The following PTPRD variants were observed in gnomAD, a reference collection of about 807,000 sequenced individuals.
PTPRD encodes protein tyrosine phosphatase receptor type D.
PTPRD carries 34 observed loss-of-function variants against 214.5 expected under a neutral mutation model. The observed-to-expected ratio is 0.16, with a 90% CI of 0.12 to 0.21. The LOEUF is 0.21. Ranked by LOEUF, PTPRD falls within the 10% of genes least tolerant of loss-of-function variation. PTPRD has a pLI of 1.00. For missense variants in PTPRD, 2,545 were observed against 2,398.7 expected, an observed-to-expected ratio of 1.06 and a Z score of -1.27; for synonymous variants, 1,128 against 845.7, an observed-to-expected ratio of 1.33 and a Z score of -5.79.
chr9:8,897,314 G>T (rs975556975), intron 11 of PTPRD, among the ~76,000 whole-genome samples: 5 of 149,570 alleles, frequency 3.3e-5, no homozygotes, highest in African/African-American at 1.3e-4. Context: ...AGTTTACAAA[G>T]AGATGTTTTT....
chr9:8,449,671 C>T (rs1009216905), intron 34 of PTPRD, 54 bp downstream of exon 34: 2 of 1,494,736 alleles, frequency 1.3e-6, no homozygotes, highest in Non-Finnish European at 1.9e-6. Flanking sequence ...ATCAATTGAG[C>T]TGTACAACTT....
chr9:9,664,716 G>T (rs72706558), intron 7 of PTPRD, among the ~76,000 whole-genome samples: 3,670 of 151,698 alleles, frequency 0.024, 64 homozygotes, highest in Middle Eastern at 0.037. Flanking sequence ...TATTACTTAA[G>T]CAGAATCTCC....
chr9:9,086,765 C>A (rs2099767621), intron 10 of PTPRD, among the ~76,000 whole-genome samples: 1 of 152,016 alleles, frequency 6.6e-6, no homozygotes, highest in Non-Finnish European at 1.5e-5. Flanking sequence ...GTGGCTTGGG[C>A]AAATGCTTTT....
chr9:10,389,770 C>A (rs1031703956), intron 2 of PTPRD, among the ~76,000 whole-genome samples: 2 of 151,840 alleles, frequency 1.3e-5, no homozygotes, highest in South Asian at 2.1e-4. Flanking sequence ...AAATACTTTA[C>A]AAACATGCTT....
chr9:8,996,651 C>T (rs1292837036), intron 11 of PTPRD, among the ~76,000 whole-genome samples: 2 of 152,042 alleles, frequency 1.3e-5, no homozygotes, highest in Non-Finnish European at 2.9e-5. Flanking sequence ...AGGGCCTGTT[C>T]CTCTCAGACA....
intron 7 of PTPRD, among the ~76,000 whole-genome samples, chr9:9,722,721 C>T (rs1446887638): frequency 6.6e-6 from 1 of 152,082 alleles, no homozygotes; most frequent in East Asian, 1.9e-4. Context: ...ACATCCTTGA[C>T]AACACTTAAT....
chr9:10,163,574 T>C (rs1319323822), intron 3 of PTPRD, among the ~76,000 whole-genome samples: 1 of 151,418 alleles, frequency 6.6e-6, no homozygotes, highest in African/African-American at 2.4e-5. Context: ...CATTTCCAAA[T>C]TCATGCTATC....
chr9:9,917,385 C>A (rs1165972220), intron 5 of PTPRD, among the ~76,000 whole-genome samples: 3 of 93,588 alleles, frequency 3.2e-5, no homozygotes, highest in Admixed American at 1.3e-4. Context: ...CACAGGAATA[C>A]AAAACATTAT....
chr9:10,101,771 G>A (rs1174142282), intron 3 of PTPRD, among the ~76,000 whole-genome samples: 1 of 151,712 alleles, frequency 6.6e-6, no homozygotes, highest in Non-Finnish European at 1.5e-5. Flanking sequence ...CTCAGTAAGA[G>A]TGATATAAAA....
In PTPRD at chr9:8,317,402, C is replaced by A. The variant is rs1004093670; in HGVS notation, c.*472G>T. 1.7e-5 allele frequency: 4 copies of A among 232,996 alleles called. No individual in the cohort carries two copies. Among genetic ancestry groups the A allele is most frequent in the African/African-American group, 8.8e-5 (4 of 45,250 alleles). The allele number at this position is 232,996 out of a possible 1,614,324, so 14.4% of individuals were successfully genotyped here. A position where few individuals can be genotyped will look rare whatever the true frequency, so the allele number is the denominator to read the frequency against. On this transcript the variant is annotated 3_prime_UTR_variant, in exon 46 of 46. Coordinates refer to ENST00000381196, the MANE Select transcript of PTPRD (RefSeq NM_002839.4). ...ATCAAGGACTTTCTTTTTAAACATT[C>A]CCTCCCCTTTCCCCCTAAAATGTTA...
chr9:10,096,663 C>G (rs2098489725), intron 3 of PTPRD, among the ~76,000 whole-genome samples: 1 of 151,924 alleles, frequency 6.6e-6, no homozygotes, highest in African/African-American at 2.4e-5. Flanking sequence ...GAGTAGGTTG[C>G]AAAAATTCTC....
chr9:9,907,282 A>G (rs1426858886), intron 5 of PTPRD, among the ~76,000 whole-genome samples: 5 of 151,966 alleles, frequency 3.3e-5, no homozygotes, highest in Admixed American at 2.0e-4. Flanking sequence ...TATAAGCATC[A>G]TTGCACAAAA....
At chr9:8,647,683 G>C (rs2096724516) in intron 12 of PTPRD, among the ~76,000 whole-genome samples, 1 of 152,012 alleles carries the variant, frequency 6.6e-6, no homozygotes, top group East Asian at 1.9e-4. Context: ...ATATTTTTAA[G>C]GCTTTTGATA....
At chr9:9,461,489 G>T (rs2093651759) in intron 8 of PTPRD, among the ~76,000 whole-genome samples, 1 of 151,964 alleles carries the variant, frequency 6.6e-6, no homozygotes, top group South Asian at 2.1e-4. Context: ...AGAAATGAGA[G>T]AACATGGAAA....
At position 9,834,191 on chromosome 9, in the gene PTPRD, T is replaced by C. The variant is rs1036858498; in HGVS notation, c.-367-67340A>G. Reference sequence around the variant, plus strand: ...CTTCACAATCCACGTTCTTCTGCCATGGCTTCAGCCGGTCCCTCTGTTTGG... The same window carrying C: ...CTTCACAATCCACGTTCTTCTGCCACGGCTTCAGCCGGTCCCTCTGTTTGG... On this transcript the variant is annotated intron_variant, in intron 5 of 45. Transcript: ENST00000381196. 5.3e-4 allele frequency among the ~76,000 whole-genome samples: 80 copies of C among 152,122 alleles called. 2 individuals carry two copies. Among genetic ancestry groups the C allele is most frequent in the Non-Finnish European group, 1.6e-4 (11 of 68,008 alleles).
chr9:10,350,958 C>A (rs749670224), intron 2 of PTPRD, among the ~76,000 whole-genome samples: 1 of 151,968 alleles, frequency 6.6e-6, no homozygotes, highest in Non-Finnish European at 1.5e-5. Flanking sequence ...GTACAGTGAG[C>A]TATGATAATA....
At chr9:9,919,341 A>G (rs1221915618) in intron 5 of PTPRD, among the ~76,000 whole-genome samples, 2 of 152,088 alleles carry the variant, frequency 1.3e-5, no homozygotes, top group East Asian at 3.9e-4. Context: ...ACTTCACCTC[A>G]ACCCAGTCTC....
At chr9:10,308,168 G>C (rs766763988) in intron 3 of PTPRD, among the ~76,000 whole-genome samples, 1 of 151,790 alleles carries the variant, frequency 6.6e-6, no homozygotes, top group South Asian at 2.1e-4. Context: ...TGTTTTTCCT[G>C]TTTTCTTATA....
At chr9:8,676,121 T>C (rs1007461982) in intron 12 of PTPRD, among the ~76,000 whole-genome samples, 2 of 152,184 alleles carry the variant, frequency 1.3e-5, no homozygotes, top group African/African-American at 4.8e-5. Flanking sequence ...TCCTAATACT[T>C]TTTTGTATAT....
Sources: allele counts gnomAD v4.1 joint callset (sites outside exome capture counted in the v4.1 genomes callset), GRCh38; gene constraint gnomAD v4.1.1; transcripts MANE v1.5; gene names NCBI Gene and HGNC (gene_info 2026-07-23, HGNC 2026-07-21).